The following ADAMTS18 variants were observed in gnomAD, a reference collection of about 807,000 sequenced individuals.
ADAMTS18 encodes A disintegrin and metalloproteinase with thrombospondin motifs 18.
A neutral mutation model predicts 165.9 loss-of-function variants in ADAMTS18; 157 were observed. The observed-to-expected ratio is 0.95, with a 90% CI of 0.83 to 1.08. ADAMTS18 has a LOEUF of 1.08. Among genes scored for constraint, ADAMTS18 ranks in the 50% least tolerant of loss-of-function variants. The probability of loss-of-function intolerance (pLI) is 0.00; values close to 1 mark genes in which losing one functional copy is unlikely to be tolerated. For synonymous variants in ADAMTS18, 782 were observed against 578.2 expected (o/e 1.35, Z -5.06); for missense variants, 2,040 against 1,534.0 (o/e 1.33, Z -5.51).
At chr16:77,422,824 C>A (rs1006489004) in intron 3 of ADAMTS18, among the ~76,000 whole-genome samples, 1 of 152,118 alleles carries the variant, frequency 6.6e-6, no homozygotes, top group South Asian at 2.1e-4. Flanking sequence ...ACTAGCCACC[C>A]CACTTCCCTC....
At chr16:77,385,678 G>C (rs1297129075) in intron 3 of ADAMTS18, among the ~76,000 whole-genome samples, 1 of 152,198 alleles carries the variant, frequency 6.6e-6, no homozygotes, top group Non-Finnish European at 1.5e-5. Flanking sequence ...ATGTGATTAA[G>C]TACGCTACGT....
At chr16:77,290,165 T>C (rs990559944) in intron 21 of ADAMTS18, among the ~76,000 whole-genome samples, 15 of 152,310 alleles carry the variant, frequency 9.8e-5, no homozygotes, top group African/African-American at 3.6e-4. Context: ...TGTTATCAAA[T>C]TATCTAAACT....
intron 3 of ADAMTS18, among the ~76,000 whole-genome samples, chr16:77,424,134 G>A (rs753830010): frequency 1.3e-5 from 2 of 152,190 alleles, no homozygotes; most frequent in Non-Finnish European, 2.9e-5. Context: ...TTACAACACA[G>A]GACTTGGGGA....
intron 3 of ADAMTS18, among the ~76,000 whole-genome samples, chr16:77,375,006 A>G (rs2056928494): frequency 6.6e-6 from 1 of 152,100 alleles, no homozygotes; most frequent in Non-Finnish European, 1.5e-5. Flanking sequence ...AATACACCCA[A>G]AAGAAACCAT....
At chr16:77,313,645 C>T (rs2562122) in intron 16 of ADAMTS18, among the ~76,000 whole-genome samples, 136,083 of 152,180 alleles carry the variant, frequency 0.89, 60,860 homozygotes, top group East Asian at 0.95. Flanking sequence ...TTGCACTTTG[C>T]TCTGACTGCA....
intron 3 of ADAMTS18, among the ~76,000 whole-genome samples, chr16:77,417,752 C>T (rs1003557119): frequency 6.6e-6 from 1 of 152,168 alleles, no homozygotes; most frequent in Non-Finnish European, 1.5e-5. Context: ...TAATAATAAT[C>T]ATCATCATAA....
At chr16:77,396,012 G>A (rs2057252213) in intron 3 of ADAMTS18, among the ~76,000 whole-genome samples, 1 of 152,096 alleles carries the variant, frequency 6.6e-6, no homozygotes, top group Admixed American at 6.6e-5. Flanking sequence ...AGCACCCTAG[G>A]GTAGGGACAA....
chr16:77,399,377 A>C (rs1454337783), intron 3 of ADAMTS18, among the ~76,000 whole-genome samples: 2 of 152,222 alleles, frequency 1.3e-5, no homozygotes, highest in African/African-American at 2.4e-5. Context: ...CCCCAGAGTT[A>C]GAACTAGACA....
chr16:77,353,325 G>T (rs991083837), intron 10 of ADAMTS18, among the ~76,000 whole-genome samples: 3 of 152,086 alleles, frequency 2.0e-5, no homozygotes, highest in African/African-American at 4.8e-5. Flanking sequence ...AAAGCTAGCT[G>T]CTAATAGTTA....
rs13334103 is a variant in ADAMTS18 at position 77,337,236 on chromosome 16, C to G, written c.1711-1332G>C. Among the ~76,000 whole-genome samples the G allele has an allele frequency of 5.7e-3, 865 of 152,206 alleles. 9 individuals carry two copies. Among genetic ancestry groups the G allele is most frequent in the African/African-American group, 0.02 (823 of 41,528 alleles). The stretch of plus-strand genomic sequence containing the variant: ...TCGGTCATTTGAGGATTTTGCCTAC[C>G]ATAAGCATGCATCTTTTCTACCGGG... On this transcript the variant is annotated intron_variant, in intron 11 of 22. Transcript: ENST00000282849.
chr16:77,291,179 T>A (rs566884913), intron 21 of ADAMTS18, 87 bp downstream of exon 21: 8 of 1,444,486 alleles, frequency 5.5e-6, no homozygotes, highest in Non-Finnish European at 7.7e-6. Context: ...AGACAACCAT[T>A]AACAGACTAA....
rs1468057413 is a variant in ADAMTS18, at chr16:77,294,438, T to TG, written c.3006+484_3006+485insC. 2.4e-3 allele frequency among the ~76,000 whole-genome samples: 372 copies of TG among 152,306 alleles called. 1 individual carries two copies. Among genetic ancestry groups the TG allele is most frequent in the African/African-American group, 8.6e-3 (358 of 41,564 alleles). On this transcript the variant is annotated intron_variant, in intron 19 of 22. Coordinates refer to ENST00000282849, the MANE Select transcript of ADAMTS18 (RefSeq NM_199355.4). Reference sequence around the variant, plus strand: ...GAATTCTGAGCTGTGAACGACAAGGTAGCTCTCTGTCCCTTCTAACTTTAA... The same window carrying TG: ...GAATTCTGAGCTGTGAACGACAAGGTGAGCTCTCTGTCCCTTCTAACTTTAA...
intron 3 of ADAMTS18, among the ~76,000 whole-genome samples, chr16:77,410,322 C>G (rs74535528): frequency 0.011 from 1,674 of 150,258 alleles, 21 homozygotes; most frequent in Middle Eastern, 0.049. Context: ...TACAAAGAAT[C>G]AAAAATGTTT....
Position 77,289,287 on chromosome 16 carries a change from A to T in ADAMTS18, c.3527T>A (p.Phe1176Tyr), listed in dbSNP as rs2055316272. 3 of 1,614,012 alleles carry T rather than the reference A, an allele frequency of 1.9e-6. No homozygotes were observed. The Admixed American group carries it at 5.0e-5, about 27-fold the overall frequency. ...ACCTCTCTTTTCAGGAGCTGGACAG[A>T]AGTTTGTATTACAGGCTCGTAGCAC... ...PPVLRACNTN[F>Y]CPAPEKREDP... Residue 1176 changes from phenylalanine to tyrosine, a missense_variant, in exon 22 of 23, where the codon TTC becomes TAC. Coordinates refer to ENST00000282849, the MANE Select transcript of ADAMTS18 (RefSeq NM_199355.4).
chr16:77,416,237 G>C (rs768779835), intron 3 of ADAMTS18, among the ~76,000 whole-genome samples: 1 of 152,232 alleles, frequency 6.6e-6, no homozygotes, highest in African/African-American at 2.4e-5. Flanking sequence ...TAGGACATCT[G>C]GGGATGTTGA....
At chr16:77,354,609 C>T (rs1442138919) in intron 9 of ADAMTS18, among the ~76,000 whole-genome samples, 5 of 151,564 alleles carry the variant, frequency 3.3e-5, no homozygotes, top group Non-Finnish European at 7.4e-5. Flanking sequence ...TGTAGTGAGA[C>T]AGATGGGGGT....
chr16:77,425,911 T>C (rs545679941), intron 3 of ADAMTS18, among the ~76,000 whole-genome samples: 2 of 151,978 alleles, frequency 1.3e-5, no homozygotes, highest in Non-Finnish European at 2.9e-5. Flanking sequence ...CCAGGCGTGG[T>C]GGTGGATGCC....
At chr16:77,418,561 C>G (rs2057559717) in intron 3 of ADAMTS18, among the ~76,000 whole-genome samples, 1 of 152,188 alleles carries the variant, frequency 6.6e-6, no homozygotes, top group Non-Finnish European at 1.5e-5. Context: ...CTCCAGACAG[C>G]TTCCCCCTAG....
chr16:77,396,509 G>A (rs1159588904), intron 3 of ADAMTS18, among the ~76,000 whole-genome samples: 1 of 152,138 alleles, frequency 6.6e-6, no homozygotes, highest in Non-Finnish European at 1.5e-5. Flanking sequence ...GTCGTTATTA[G>A]AAACACAAGG....
Sources: gnomAD v4.1 joint callset for allele counts (sites outside exome capture counted in the v4.1 genomes callset) on GRCh38, gnomAD v4.1.1 for gene constraint, MANE v1.5 for transcripts, NCBI Gene and HGNC (gene_info 2026-07-23, HGNC 2026-07-21) for gene names.